Variants in PLPP1 observed in about 807,000 individuals in gnomAD.
PLPP1 encodes the protein phospholipid phosphatase 1, also known as lipid phosphate phosphohydrolase 1a.
In PLPP1, 24 loss-of-function variants were observed where a neutral mutation model predicts 31.2. The observed-to-expected ratio is 0.77, with a 90% CI of 0.56 to 1.08. The LOEUF (loss-of-function observed/expected upper bound fraction) is 1.08. Ranked by LOEUF, PLPP1 falls within the 50% of genes least tolerant of loss-of-function variation. The pLI, the probability that PLPP1 is intolerant of heterozygous loss-of-function variation, is 0.00. For missense variants in PLPP1, 319 were observed against 342.7 expected, an observed-to-expected ratio of 0.93 and a Z score of 0.55; for synonymous variants, 146 against 126.3, an observed-to-expected ratio of 1.16 and a Z score of -1.05.
At chr5:55,481,296 T>C (rs1399438811) in intron 1 of PLPP1, among the ~76,000 whole-genome samples, 1 of 152,218 alleles carries the variant, frequency 6.6e-6, no homozygotes, top group Non-Finnish European at 1.5e-5. Context: ...TCTTCTAATA[T>C]TAGCGAAAAT....
chr5:55,472,745 AGAAGAGGAAGAG>A (rs1200255476), intron 2 of PLPP1, among the ~76,000 whole-genome samples: 2 of 5,112 alleles, frequency 3.9e-4, no homozygotes, highest in South Asian at 0.019. Context: ...AGGAAGAGGA[AGAAGAGGAAGAG>A]GAAGAAGAAG....
chr5:55,434,458 G>A (rs1751444842), intron 4 of PLPP1, among the ~76,000 whole-genome samples: 1 of 151,530 alleles, frequency 6.6e-6, no homozygotes, highest in African/African-American at 2.4e-5. Flanking sequence ...AATTAAAAAA[G>A]AGCCAGAAAG....
chr5:55,510,703 T>C (rs1191028464), intron 1 of PLPP1, among the ~76,000 whole-genome samples: 1 of 151,996 alleles, frequency 6.6e-6, no homozygotes, highest in Non-Finnish European at 1.5e-5. Context: ...AACCAATCCT[T>C]TGGTGTGCCA....
Position 55,534,601 on chromosome 5 carries a change from A to G in PLPP1, c.29T>C (p.Val10Ala). 1 of 1,558,516 alleles carries G rather than the reference A, an allele frequency of 6.4e-7. No homozygotes were observed. Among genetic ancestry groups the G allele is most frequent in the Non-Finnish European group, 8.7e-7 (1 of 1,154,178 alleles). MFDKTRLPYVALDVLCVLLA... is the reference protein window; with the variant it reads MFDKTRLPYAALDVLCVLLA... ...CAACACGCAGAGCACATCGAGGGCC[A>G]CGTACGGCAGCCGCGTCTTGTCAAA... The change falls in exon 1 of 6, where the codon GTG (valine) becomes GCG (alanine). Residue 10 changes from valine to alanine, a missense_variant. Transcript: ENST00000307259.
intron 1 of PLPP1, among the ~76,000 whole-genome samples, chr5:55,499,966 T>C (rs1469759219): frequency 1.3e-5 from 2 of 150,864 alleles, no homozygotes; most frequent in Non-Finnish European, 3.0e-5. Context: ...TACCATAAAA[T>C]ATGGAAAAAT....
At chr5:55,509,804 C>T (rs754094758) in intron 1 of PLPP1, among the ~76,000 whole-genome samples, 1 of 152,198 alleles carries the variant, frequency 6.6e-6, no homozygotes, top group Non-Finnish European at 1.5e-5. Flanking sequence ...AACCTTCTCA[C>T]CTGTTGTTCC....
At chr5:55,457,291 G>A (rs1284254214) in intron 3 of PLPP1, among the ~76,000 whole-genome samples, 2 of 151,936 alleles carry the variant, frequency 1.3e-5, no homozygotes, top group African/African-American at 4.8e-5. Flanking sequence ...GACTGTAAGC[G>A]GACACTTGCA....
intron 3 of PLPP1, among the ~76,000 whole-genome samples, chr5:55,444,771 G>GTGTGTGTGTGTGT (rs369243024): frequency 3.2e-4 from 48 of 150,880 alleles, no homozygotes; most frequent in East Asian, 7.8e-4. Flanking sequence ...GTGTGTGTGT[G>GTGTGTGTGTGTGT]ATGGAGTCTC....
chr5:55,483,171 T>A (rs1752704730), intron 1 of PLPP1, among the ~76,000 whole-genome samples: 1 of 152,128 alleles, frequency 6.6e-6, no homozygotes, highest in African/African-American at 2.4e-5. Flanking sequence ...TAAAAAATAT[T>A]TCTTAATATT....
chr5:55,454,066 G>A lies in PLPP1; in HGVS notation c.492-12158C>T, dbSNP rs189705542. On this transcript the variant is annotated intron_variant, in intron 3 of 5. Coordinates refer to ENST00000307259, the MANE Select transcript of PLPP1 (RefSeq NM_003711.4). The stretch of plus-strand genomic sequence containing the variant: ...CTGAATTCTATTTCCCACTGCCTAT[G>A]TGAAGATTTTCTCAATTTTTACAGG... Among the ~76,000 whole-genome samples the A allele has an allele frequency of 3.3e-3, 495 of 152,220 alleles. 10 individuals carry two copies. The highest frequency in any genetic ancestry group is 6.8e-3 in the Middle Eastern group (2 of 294).
chr5:55,435,147 C>T (rs1196418637), intron 4 of PLPP1, among the ~76,000 whole-genome samples: 2 of 152,130 alleles, frequency 1.3e-5, no homozygotes, highest in Non-Finnish European at 2.9e-5. Context: ...TGAAAAAATT[C>T]TCAATATCAC....
At chr5:55,484,881 TAATAA>T (rs1752744593) in intron 1 of PLPP1, 1 of 152,122 alleles carries the variant, frequency 6.6e-6, no homozygotes, top group Non-Finnish European at 1.5e-5. Flanking sequence ...AATAAAACTC[TAATAA>T]AAACAATGGA....
chr5:55,453,276 C>T (rs1396843818), intron 3 of PLPP1, among the ~76,000 whole-genome samples: 2 of 152,084 alleles, frequency 1.3e-5, no homozygotes, highest in Non-Finnish European at 2.9e-5. Flanking sequence ...TAATTAAATG[C>T]TATATACTAA....
intron 1 of PLPP1, among the ~76,000 whole-genome samples, chr5:55,500,989 G>A (rs1561248631): frequency 1.3e-5 from 2 of 152,132 alleles, no homozygotes; most frequent in Non-Finnish European, 2.9e-5. Context: ...TGAAACTAGA[G>A]CAAAGGAAAA....
chr5:55,512,468 CAA>C (rs370927824), intron 1 of PLPP1, among the ~76,000 whole-genome samples: 286 of 10,094 alleles, frequency 0.028, 14 homozygotes, highest in Middle Eastern at 0.062. Context: ...AAGACTGTCT[CAA>C]AAAAAAAAAA....
At chr5:55,474,889 G>A (rs974754372) in intron 2 of PLPP1, among the ~76,000 whole-genome samples, 1 of 151,956 alleles carries the variant, frequency 6.6e-6, no homozygotes, top group Non-Finnish European at 1.5e-5. Flanking sequence ...GAAAAGATTA[G>A]CATAAAATCT....
At chr5:55,491,546 A>C (rs561600968) in intron 1 of PLPP1, among the ~76,000 whole-genome samples, 6 of 152,288 alleles carry the variant, frequency 3.9e-5, no homozygotes, top group East Asian at 1.9e-4. Flanking sequence ...ATATCATAAC[A>C]ACCAAATGTC....
At chr5:55,511,191 G>C (rs1341655995) in intron 1 of PLPP1, among the ~76,000 whole-genome samples, 1 of 152,162 alleles carries the variant, frequency 6.6e-6, no homozygotes, top group Non-Finnish European at 1.5e-5. Flanking sequence ...ATCTGATCTT[G>C]TTGTTAAAGG....
At chr5:55,430,678 TGAA>T (rs1484385181) in intron 4 of PLPP1, among the ~76,000 whole-genome samples, 1 of 152,078 alleles carries the variant, frequency 6.6e-6, no homozygotes, top group African/African-American at 2.4e-5. Flanking sequence ...TCAAGAAACA[TGAA>T]GAAGGAAATA....
Sources: gnomAD v4.1 joint callset for allele counts (sites outside exome capture counted in the v4.1 genomes callset) on GRCh38, gnomAD v4.1.1 for gene constraint, MANE v1.5 for transcripts, NCBI Gene and HGNC (gene_info 2026-07-23, HGNC 2026-07-21) for gene names.